The following TRPM1 variants were observed in gnomAD, a reference collection of about 807,000 sequenced individuals.
The protein encoded by TRPM1 is transient receptor potential cation channel subfamily M member 1, also known as TRPM1-203 APA Isoform, Intron 10.
TRPM1 carries 113 observed loss-of-function variants against 149.4 expected under a neutral mutation model. The ratio of observed to expected loss-of-function variants is 0.76; its 90% CI spans 0.65 to 0.88. The LOEUF (loss-of-function observed/expected upper bound fraction) is 0.88. Ranked by LOEUF, TRPM1 falls within the 40% of genes least tolerant of loss-of-function variation. TRPM1 has a pLI of 0.00. For synonymous variants in TRPM1, 741 were observed against 759.5 expected (o/e 0.98, Z 0.40); for missense variants, 1,976 against 2,038.7 (o/e 0.97, Z 0.59).
chr15:31,137,400 A>T (rs1376086141), intron 1 of TRPM1, among the ~76,000 whole-genome samples: 3 of 152,200 alleles, frequency 2.0e-5, no homozygotes, highest in African/African-American at 7.2e-5. Flanking sequence ...GAAGCTGCAG[A>T]TATTCTTAAA....
At chr15:31,083,915 G>A (rs2034928793) in intron 1 of TRPM1, among the ~76,000 whole-genome samples, 1 of 152,202 alleles carries the variant, frequency 6.6e-6, no homozygotes, top group South Asian at 2.1e-4. Context: ...TGGTGTGAGA[G>A]CCTAGTGACA....
At chr15:31,012,348 T>A (rs12913087) in intron 27 of TRPM1, among the ~76,000 whole-genome samples, 35,050 of 152,140 alleles carry the variant, frequency 0.23, 4,569 homozygotes, top group Non-Finnish European at 0.29. Context: ...AATATCTTAA[T>A]TTATCCTTCA....
intron 18 of TRPM1, among the ~76,000 whole-genome samples, chr15:31,039,470 A>G (rs954902654): frequency 6.6e-6 from 1 of 152,168 alleles, no homozygotes; most frequent in Non-Finnish European, 1.5e-5. Flanking sequence ...TCTTTTCTTT[A>G]TCCTCATGGA....
chr15:31,144,846 G>A (rs767903965), intron 1 of TRPM1, among the ~76,000 whole-genome samples: 1 of 151,772 alleles, frequency 6.6e-6, no homozygotes, highest in Non-Finnish European at 1.5e-5. Context: ...CTCCCGAGGA[G>A]CTGGGATTAC....
At chr15:31,156,331 T>C (rs2036377188) in intron 1 of TRPM1, among the ~76,000 whole-genome samples, 1 of 151,242 alleles carries the variant, frequency 6.6e-6, no homozygotes, top group Non-Finnish European at 1.5e-5. Flanking sequence ...ATTAACATAA[T>C]AGAGCTTTCC....
At chr15:31,150,601 A>C (rs1329694415) in intron 1 of TRPM1, among the ~76,000 whole-genome samples, 1 of 151,614 alleles carries the variant, frequency 6.6e-6, no homozygotes, top group Non-Finnish European at 1.5e-5. Flanking sequence ...ACGCCCAGAA[A>C]ATTTTTGTAT....
intron 27 of TRPM1, among the ~76,000 whole-genome samples, chr15:31,023,685 C>G (rs116715567): frequency 0.014 from 2,132 of 152,264 alleles, 61 homozygotes; most frequent in African/African-American, 0.049. Flanking sequence ...TGCCAGTTTG[C>G]TAACTGAGCT....
At chr15:31,081,515 GCCCTC>G (rs1049606418) in intron 1 of TRPM1, 77 bp from the exon 2 acceptor site, 19 of 956,810 alleles carry the variant, frequency 2.0e-5, no homozygotes, top group Admixed American at 1.8e-4. Context: ...AACAAATCCT[GCCCTC>G]CCTTTGTTCC....
intron 1 of TRPM1, among the ~76,000 whole-genome samples, chr15:31,114,314 C>T (rs930877154): frequency 6.6e-6 from 1 of 152,172 alleles, no homozygotes; most frequent in Non-Finnish European, 1.5e-5. Context: ...ATAATGCCCT[C>T]CAGCTTCATC....
In TRPM1 at chr15:31,040,164, T is replaced by G. The variant is rs973206555; in HGVS notation, c.2270A>C (p.Asp757Ala). The G allele has an allele frequency of 6.2e-7, 1 of 1,614,092 alleles. No homozygotes were observed. Among genetic ancestry groups the G allele is most frequent in the Non-Finnish European group, 8.5e-7 (1 of 1,180,008 alleles). Reference protein sequence around the residue: ...AHTCSQMLLTDMWMGRLRMRK... With the variant: ...AHTCSQMLLTAMWMGRLRMRK... ...CATCCGCAGTCTTCCCATCCACATATCGGTCAGCAGCATCTGGCTGCAGGT... is the reference window on the plus strand; with the variant it reads ...CATCCGCAGTCTTCCCATCCACATAGCGGTCAGCAGCATCTGGCTGCAGGT... The change falls in exon 18 of 28, where the codon GAT (aspartate) becomes GCT (alanine). Residue 757 changes from aspartate to alanine, a missense_variant. By Grantham distance (126) the Asp-to-Ala change is moderately radical (BLOSUM62 -2). Around this residue, in one of 3 missense-constraint regions of TRPM1, gnomAD observed 1,332 missense variants for 1,347.1 expected, o/e 0.99. Coordinates refer to ENST00000256552, the MANE Select transcript of TRPM1 (RefSeq NM_001252024.2). The surrounding 1 kb of genome is among the most constrained non-coding windows in gnomAD (Gnocchi z 4.2).
rs757174788 is a variant in TRPM1, at chr15:31,031,171, A to G, written c.2953-14T>C. The G allele has an allele frequency of 1.9e-6, 3 of 1,614,206 alleles. No individual in the cohort carries two copies. Among genetic ancestry groups the G allele is most frequent in the Non-Finnish European group, 2.5e-6 (3 of 1,180,022 alleles). ...CATGTCGATCATCTGAGTAAGGAGA[A>G]CATTTGTCTCTCACTGTCTTGGCTT... On this transcript the variant is annotated splice_polypyrimidine_tract_variant and intron_variant, in intron 22 of 27. Transcript: ENST00000256552.
chr15:31,079,115 G>C (rs1483310563), intron 2 of TRPM1, among the ~76,000 whole-genome samples: 1 of 152,190 alleles, frequency 6.6e-6, no homozygotes, highest in Admixed American at 6.5e-5. Context: ...GTAATATATA[G>C]AGACAGGTAT....
intron 21 of TRPM1, among the ~76,000 whole-genome samples, chr15:31,034,052 T>C (rs2033228516): frequency 6.6e-6 from 1 of 152,214 alleles, no homozygotes; most frequent in African/African-American, 2.4e-5. Flanking sequence ...ATAGTATTGG[T>C]TGTATATCAG....
chr15:31,046,018 G>A (rs534736252), intron 16 of TRPM1, among the ~76,000 whole-genome samples, 186 bp downstream of exon 16: 26 of 152,252 alleles, frequency 1.7e-4, no homozygotes, highest in Non-Finnish European at 2.9e-4. Context: ...GTTAGTTCTA[G>A]AAATGGATTG....
intron 1 of TRPM1, among the ~76,000 whole-genome samples, chr15:31,093,850 G>A (rs1342429916): frequency 2.0e-5 from 3 of 151,952 alleles, no homozygotes; most frequent in Admixed American, 6.6e-5. Flanking sequence ...TGATCTGCCC[G>A]CCTCAGCCTC....
At chr15:31,076,307 G>A (rs547940712) in intron 3 of TRPM1, among the ~76,000 whole-genome samples, 11 of 152,216 alleles carry the variant, frequency 7.2e-5, no homozygotes, top group South Asian at 2.1e-4. Context: ...CATATTGGAC[G>A]AATGTATGGA....
intron 22 of TRPM1, among the ~76,000 whole-genome samples, chr15:31,032,332 T>C (rs1175954780): frequency 6.6e-6 from 1 of 151,962 alleles, no homozygotes; most frequent in Non-Finnish European, 1.5e-5. Context: ...AGTTGAGATA[T>C]GGTATGGAAG....
chr15:31,037,904 G>T, intron 19 of TRPM1, 62 bp from the exon 20 acceptor site: 1 of 1,612,848 alleles, frequency 6.2e-7, no homozygotes, highest in Middle Eastern at 1.7e-4. Flanking sequence ...AAGGCACTCC[G>T]GCACACAGGC....
intron 20 of TRPM1, among the ~76,000 whole-genome samples, chr15:31,036,170 A>G (rs965756412): frequency 6.6e-6 from 1 of 151,862 alleles, no homozygotes; most frequent in African/African-American, 2.4e-5. Flanking sequence ...TACTGGTGGC[A>G]TGTCCAGGAT....
Sources: allele counts gnomAD v4.1 joint callset (sites outside exome capture counted in the v4.1 genomes callset), GRCh38; gene constraint gnomAD v4.1.1; regional missense constraint gnomAD v4.1.1; non-coding constraint Gnocchi (gnomAD v3.1); transcripts MANE v1.5; gene names NCBI Gene and HGNC (gene_info 2026-07-23, HGNC 2026-07-21).